The following ARHGAP31 variants were observed in gnomAD, a reference collection of about 807,000 sequenced individuals.
The protein encoded by ARHGAP31 is Rho GTPase activating protein 31.
Under a neutral mutation model 113.9 loss-of-function variants are expected in ARHGAP31, and 34 were observed. The observed-to-expected ratio is 0.30, with a 90% CI of 0.23 to 0.40. ARHGAP31 has a LOEUF of 0.40. Ranked by LOEUF, ARHGAP31 falls within the 10% of genes least tolerant of loss-of-function variation. The pLI, the probability that ARHGAP31 is intolerant of heterozygous loss-of-function variation, is 1.00. For missense variants in ARHGAP31, 1,548 were observed against 1,767.1 expected (o/e 0.88, Z 2.22); for synonymous variants, 650 against 684.8 (o/e 0.95, Z 0.79).
intron 1 of ARHGAP31, among the ~76,000 whole-genome samples, chr3:119,323,446 T>C (rs1466438431): frequency 1.3e-5 from 2 of 152,194 alleles, no homozygotes; most frequent in Non-Finnish European, 2.9e-5. Context: ...AGCCAAGACG[T>C]TGGGCTTGGC....
intron 1 of ARHGAP31, among the ~76,000 whole-genome samples, chr3:119,319,622 A>C (rs2079764895): frequency 6.6e-6 from 1 of 152,218 alleles, no homozygotes; most frequent in Non-Finnish European, 1.5e-5. Flanking sequence ...GTAGATAACC[A>C]AACATTTTCC....
intron 6 of ARHGAP31, among the ~76,000 whole-genome samples, chr3:119,387,318 C>T (rs1324996566): frequency 6.6e-6 from 1 of 152,226 alleles, no homozygotes; most frequent in East Asian, 1.9e-4. Context: ...CCCTCAGCTC[C>T]TATCTCTATA....
At chr3:119,373,506 C>A (rs978612864) in intron 3 of ARHGAP31, among the ~76,000 whole-genome samples, 4 of 151,768 alleles carry the variant, frequency 2.6e-5, no homozygotes, top group African/African-American at 9.7e-5. Flanking sequence ...CTCTGTCGCC[C>A]AGGCTGGAGA....
intron 1 of ARHGAP31, among the ~76,000 whole-genome samples, chr3:119,295,300 A>G (rs1303738856): frequency 6.6e-6 from 1 of 151,524 alleles, no homozygotes; most frequent in African/African-American, 2.4e-5. Flanking sequence ...ATGGGGGTGG[A>G]AGCTGCAGAG....
intron 10 of ARHGAP31, among the ~76,000 whole-genome samples, chr3:119,408,765 TG>T (rs1042159757): frequency 1.3e-5 from 2 of 152,156 alleles, no homozygotes; most frequent in Admixed American, 1.3e-4. Flanking sequence ...TGCAAAGAAA[TG>T]GGGCTTTCCT....
intron 1 of ARHGAP31, among the ~76,000 whole-genome samples, chr3:119,344,968 G>C (rs1003327604): frequency 1.3e-5 from 2 of 150,004 alleles, no homozygotes; most frequent in African/African-American, 4.9e-5. Flanking sequence ...TTTTTTTGCT[G>C]GTGGGATTTT....
chr3:119,406,936 C>T (rs913707573), intron 10 of ARHGAP31, among the ~76,000 whole-genome samples: 8 of 152,082 alleles, frequency 5.3e-5, no homozygotes, highest in African/African-American at 1.2e-4. Flanking sequence ...ACTTTTCCTC[C>T]GTCCCTCTCA....
intron 10 of ARHGAP31, 71 bp from the exon 11 acceptor site, chr3:119,409,425 G>T: frequency 6.4e-7 from 1 of 1,573,794 alleles, no homozygotes; most frequent in Non-Finnish European, 8.7e-7. Context: ...AGACAGGACA[G>T]TGACTGTGTT....
chr3:119,378,713 T>C (rs1367890008), intron 3 of ARHGAP31, among the ~76,000 whole-genome samples: 1 of 151,990 alleles, frequency 6.6e-6, no homozygotes, highest in Non-Finnish European at 1.5e-5. Context: ...GCTCCCCGGC[T>C]CCCCAGCTCC....
At chr3:119,346,116 G>A (rs2080054155) in intron 1 of ARHGAP31, among the ~76,000 whole-genome samples, 1 of 152,170 alleles carries the variant, frequency 6.6e-6, no homozygotes, top group Non-Finnish European at 1.5e-5. Context: ...AACCAGCTCA[G>A]GACTGCTTTC....
chr3:119,381,852 G>A (rs757734394), intron 4 of ARHGAP31, among the ~76,000 whole-genome samples: 46 of 152,308 alleles, frequency 3.0e-4, no homozygotes, highest in East Asian at 9.7e-4. Flanking sequence ...CGGGCGTGGT[G>A]GCGGGCGCCT....
At position 119,420,315 on chromosome 3, in the gene ARHGAP31, A is replaced by G. The variant is rs1018825870; in HGVS notation, c.*4051A>G. 2 of 152,268 alleles carry G rather than the reference A, an allele frequency of 1.3e-5. No individual in the cohort carries two copies. Among genetic ancestry groups the G allele is most frequent in the African/African-American group, 4.8e-5 (2 of 41,474 alleles). The allele number at this position is 152,268 out of a possible 1,614,324, so 9.4% of individuals were successfully genotyped here. ...TTTAGACATGTCTGGCAGGAAGGTC[A>G]GCTCAAAATGTGGCATGACAAAGAA... On this transcript the variant is annotated 3_prime_UTR_variant, in exon 12 of 12. Coordinates refer to ENST00000264245, the MANE Select transcript of ARHGAP31 (RefSeq NM_020754.4).
chr3:119,386,751 T>C (rs1026641609), intron 6 of ARHGAP31, among the ~76,000 whole-genome samples: 2 of 152,206 alleles, frequency 1.3e-5, no homozygotes, highest in Non-Finnish European at 1.5e-5. Flanking sequence ...GGGTAAAGAA[T>C]GTGAGTCACC....
chr3:119,399,742 T>G (rs548689045), intron 9 of ARHGAP31, among the ~76,000 whole-genome samples: 15 of 152,266 alleles, frequency 9.9e-5, no homozygotes, highest in Non-Finnish European at 1.9e-4. Flanking sequence ...TTCATGTATC[T>G]ATTTATTCAT....
intron 11 of ARHGAP31, 67 bp from the exon 12 acceptor site, chr3:119,413,789 T>C (rs2080740372): frequency 1.1e-5 from 17 of 1,610,804 alleles, no homozygotes; most frequent in Admixed American, 1.7e-5. Context: ...TCCCTCTCAC[T>C]GGAAACGCTG....
chr3:119,405,638 TG>T (rs2080654188), intron 10 of ARHGAP31, among the ~76,000 whole-genome samples: 1 of 151,024 alleles, frequency 6.6e-6, no homozygotes, highest in African/African-American at 2.4e-5. Context: ...ACCTGGGGGG[TG>T]GGGGAGGTTC....
chr3:119,296,752 CAA>C (rs147252007), intron 1 of ARHGAP31, among the ~76,000 whole-genome samples: 3 of 150,020 alleles, frequency 2.0e-5, no homozygotes, highest in African/African-American at 4.9e-5. Flanking sequence ...TTCATTTAGA[CAA>C]AAAAAAACAG....
At chr3:119,391,589 A>ACCCCCTCC (rs2080503828) in intron 7 of ARHGAP31, among the ~76,000 whole-genome samples, 1 of 103,756 alleles carries the variant, frequency 9.6e-6, no homozygotes, top group African/African-American at 3.5e-5. Context: ...CTGGGTCTCT[A>ACCCCCTCC]CCCCCCCCTC....
chr3:119,323,400 G>C (rs2079811066), intron 1 of ARHGAP31, among the ~76,000 whole-genome samples: 1 of 152,222 alleles, frequency 6.6e-6, no homozygotes. Context: ...CGCCGGCCCA[G>C]ACCCCGCGGG....
Sources: allele counts gnomAD v4.1 joint callset (sites outside exome capture counted in the v4.1 genomes callset), GRCh38; gene constraint gnomAD v4.1.1; transcripts MANE v1.5; gene names NCBI Gene and HGNC (gene_info 2026-07-23, HGNC 2026-07-21).